Variants in SH3KBP1 observed in about 807,000 individuals in gnomAD.
SH3KBP1 encodes the protein SH3 domain containing kinase binding protein 1, also known as SH3 domain-containing kinase-binding protein 1.
SH3KBP1 carries 8 observed loss-of-function variants against 50.1 expected under a neutral mutation model. The observed-to-expected ratio is 0.16, with a 90% CI of 0.09 to 0.29. The LOEUF (loss-of-function observed/expected upper bound fraction) is 0.29, where lower values mean the gene tolerates loss of function less well. SH3KBP1 is among the 10% of genes least tolerant of loss of function. The probability of loss-of-function intolerance (pLI) is 1.00; values close to 1 mark genes in which losing one functional copy is unlikely to be tolerated. For synonymous variants in SH3KBP1, 227 were observed against 218.6 expected, an observed-to-expected ratio of 1.04 and a Z score of -0.34; for missense variants, 377 against 535.2, an observed-to-expected ratio of 0.70 and a Z score of 2.92.
intron 4 of SH3KBP1, among the ~76,000 whole-genome samples, chrX:19,703,424 A>G (rs1046838983): frequency 9.0e-6 from 1 of 111,491 alleles, no homozygotes; most frequent in African/African-American, 3.3e-5. Context: ...AAGGAAACCA[A>G]TGGGAATCAT....
intron 9 of SH3KBP1, among the ~76,000 whole-genome samples, chrX:19,602,905 T>C (rs1032149523): frequency 3.6e-5 from 4 of 111,691 alleles, no homozygotes; most frequent in African/African-American, 6.5e-5. Context: ...AATTCGGCCA[T>C]TGTGGGAATC....
chrX:19,706,356 C>A (rs1176201808), intron 4 of SH3KBP1, among the ~76,000 whole-genome samples: 2 of 110,875 alleles, frequency 1.8e-5, no homozygotes, highest in Non-Finnish European at 3.8e-5. Flanking sequence ...GCTTGGCCAT[C>A]AGCCCTGCGT....
intron 1 of SH3KBP1, among the ~76,000 whole-genome samples, chrX:19,883,008 G>C (rs59867200): frequency 7.0e-4 from 79 of 112,249 alleles, no homozygotes; most frequent in African/African-American, 2.5e-3. Context: ...TATAACATAA[G>C]ACTTATAATA....
Position 19,815,801 on chromosome X carries a change from G to A in SH3KBP1, c.162+20324C>T, listed in dbSNP as rs2067337907. Among the ~76,000 whole-genome samples, 3 of 111,980 alleles carry A rather than the reference G, an allele frequency of 2.7e-5. No individual in the cohort carries two copies. The South Asian group carries it at 1.1e-3, about 41-fold the overall frequency. ...TTTGTTCACACAGCACGATGCCCCT[G>A]AGATCTATCTAAGTTGTTGTGTGTA... On this transcript the variant is annotated intron_variant, in intron 2 of 17. Coordinates refer to ENST00000397821, the MANE Select transcript of SH3KBP1 (RefSeq NM_031892.3).
At position 19,685,349 on chromosome X, in the gene SH3KBP1, A is replaced by G. The variant is rs1195503480; in HGVS notation, c.521-1321T>C. ...GACAAAATATAGAAAGGTCATTATA[A>G]ACTGCTAACACGTTTCAGAATCAAA... On this transcript the variant is annotated intron_variant, in intron 5 of 17. Coordinates refer to ENST00000397821, the MANE Select transcript of SH3KBP1 (RefSeq NM_031892.3). Among the ~76,000 whole-genome samples the G allele has an allele frequency of 6.2e-5, 7 of 112,661 alleles. No individual in the cohort carries two copies. In the East Asian group the frequency reaches 1.9e-3, roughly 31 times the overall value.
chrX:19,622,859 A>T (rs2067882418), intron 8 of SH3KBP1, among the ~76,000 whole-genome samples: 1 of 111,368 alleles, frequency 9.0e-6, no homozygotes, highest in African/African-American at 3.3e-5. Flanking sequence ...CCTGGCCAAC[A>T]TGGCGAAACC....
chrX:19,786,912 T>C (rs1486744448), intron 2 of SH3KBP1, among the ~76,000 whole-genome samples: 2 of 112,425 alleles, frequency 1.8e-5, no homozygotes, highest in Admixed American at 9.5e-5. Flanking sequence ...ATAACTTATA[T>C]ATCCCAAGTT....
intron 2 of SH3KBP1, among the ~76,000 whole-genome samples, chrX:19,764,534 G>A (rs952041789): frequency 1.5e-4 from 17 of 110,622 alleles, no homozygotes; most frequent in Admixed American, 9.7e-5. Context: ...AAAACCTTGA[G>A]GACACTATTC....
At chrX:19,878,320 T>C (rs2069313343) in intron 1 of SH3KBP1, among the ~76,000 whole-genome samples, 1 of 98,829 alleles carries the variant, frequency 1.0e-5, no homozygotes, top group African/African-American at 4.1e-5. Flanking sequence ...TTTTTTTTCC[T>C]TGAGACACGG....
chrX:19,536,203 CACA>C lies in SH3KBP1; in HGVS notation c.*211_*213del. ...TAGCACAATTTTGCTCTGTGTAAGTCACAACGAGTGCCAGCCCCAGGACTAAAC... is the reference window on the plus strand; with the variant it reads ...TAGCACAATTTTGCTCTGTGTAAGTCACGAGTGCCAGCCCCAGGACTAAAC... On this transcript the variant is annotated 3_prime_UTR_variant, in exon 18 of 18. Transcript: ENST00000397821. The C allele has an allele frequency of 3.1e-6, 1 of 327,375 alleles. No homozygotes were observed. The highest frequency in any genetic ancestry group is 5.5e-6 in the Non-Finnish European group (1 of 182,446). 27.0% of individuals were successfully genotyped at this position (327,375 alleles called of 1,213,427 possible).
chrX:19,723,007 C>T (rs1368385101), intron 3 of SH3KBP1, among the ~76,000 whole-genome samples: 3 of 108,673 alleles, frequency 2.8e-5, no homozygotes, highest in African/African-American at 6.7e-5. Flanking sequence ...ATTAGCCAGG[C>T]GTAGTGACAC....
Position 19,657,469 on chromosome X carries a change from C to G in SH3KBP1, c.727-11994G>C, listed in dbSNP as rs189745169. Reference sequence around the variant, plus strand: ...AATTGGCCGGGCATGGTGGCTCACGCCTGTAATCCCAGCACTTTGGGAGGC... The same window carrying G: ...AATTGGCCGGGCATGGTGGCTCACGGCTGTAATCCCAGCACTTTGGGAGGC... On this transcript the variant is annotated intron_variant, in intron 6 of 17. Coordinates refer to ENST00000397821, the MANE Select transcript of SH3KBP1 (RefSeq NM_031892.3). 1.7e-3 allele frequency among the ~76,000 whole-genome samples: 182 copies of G among 110,123 alleles called. 3 individuals are homozygous for G. The East Asian group carries it at 0.034, about 20-fold the overall frequency.
At chrX:19,738,872 A>G (rs1228985504) in intron 3 of SH3KBP1, among the ~76,000 whole-genome samples, 1 of 107,621 alleles carries the variant, frequency 9.3e-6, no homozygotes, top group Admixed American at 1.0e-4. Flanking sequence ...TTGGCCGGGC[A>G]TGGTGGCAGG....
At chrX:19,559,274 CAAAAAA>C (rs369794445) in intron 13 of SH3KBP1, among the ~76,000 whole-genome samples, 1 of 8,614 alleles carries the variant, frequency 1.2e-4, no homozygotes, top group Non-Finnish European at 1.8e-4. Flanking sequence ...TCTGTCTCAC[CAAAAAA>C]AAAAAAAAAA....
chrX:19,885,734 T>C (rs1210891045), intron 1 of SH3KBP1, among the ~76,000 whole-genome samples: 1 of 110,757 alleles, frequency 9.0e-6, no homozygotes, highest in East Asian at 2.8e-4. Context: ...TCGGGAGAAA[T>C]TAACCCATTA....
chrX:19,598,232 TA>T (rs2066967615), intron 9 of SH3KBP1, among the ~76,000 whole-genome samples: 2 of 67,081 alleles, frequency 3.0e-5, no homozygotes, highest in African/African-American at 1.1e-4. Flanking sequence ...AGTCTGTTTT[TA>T]TTTATTTATT....
At chrX:19,838,035 G>A (rs1299960257) in intron 1 of SH3KBP1, among the ~76,000 whole-genome samples, 5 of 107,496 alleles carry the variant, frequency 4.7e-5, no homozygotes, top group Non-Finnish European at 9.5e-5. Flanking sequence ...TTCTTAAATA[G>A]GAGACAAAAA....
intron 2 of SH3KBP1, chrX:19,799,757 G>A (rs1218500785): frequency 3.4e-6 from 4 of 1,190,458 alleles, no homozygotes; most frequent in Non-Finnish European, 1.1e-6. Flanking sequence ...TGCTCTCCGA[G>A]AACTGCAAGT....
At chrX:19,853,778 C>T (rs1163974277) in intron 1 of SH3KBP1, among the ~76,000 whole-genome samples, 1 of 110,931 alleles carries the variant, frequency 9.0e-6, no homozygotes, top group Non-Finnish European at 1.9e-5. Flanking sequence ...GCCTGGCCAA[C>T]ATAGTGAAAT....
Sources: gnomAD v4.1 joint callset for allele counts (sites outside exome capture counted in the v4.1 genomes callset) on GRCh38, gnomAD v4.1.1 for gene constraint, MANE v1.5 for transcripts, NCBI Gene and HGNC (gene_info 2026-07-23, HGNC 2026-07-21) for gene names.